PCMTD1: variants seen among roughly 807,000 people sequenced by gnomAD.
PCMTD1 encodes protein-L-isoaspartate O-methyltransferase domain-containing protein 1.
In PCMTD1, 12 loss-of-function variants were observed where a neutral mutation model predicts 37.6. That is an observed-to-expected ratio of 0.32 (90% CI 0.20 to 0.52). The LOEUF (loss-of-function observed/expected upper bound fraction) is 0.52. PCMTD1 is among the 20% of genes least tolerant of loss of function. The pLI, the probability that PCMTD1 is intolerant of heterozygous loss-of-function variation, is 0.97. For synonymous variants in PCMTD1, 117 were observed against 135.8 expected (o/e 0.86, Z 0.96); for missense variants, 235 against 421.3 (o/e 0.56, Z 3.87).
chr8:51,824,265 T>C (rs1443751010), intron 5 of PCMTD1, among the ~76,000 whole-genome samples: 2 of 152,214 alleles, frequency 1.3e-5, no homozygotes, highest in African/African-American at 2.4e-5. Context: ...TTGTCTCTGT[T>C]TGCAGATGAC....
chr8:51,835,875 T>C lies in PCMTD1; in HGVS notation c.411-2186A>G, dbSNP rs563809231. Among the ~76,000 whole-genome samples the C allele has an allele frequency of 3.3e-5, 5 of 152,312 alleles. No homozygotes were observed. The South Asian group carries it at 6.2e-4, about 19-fold the overall frequency. On this transcript the variant is annotated intron_variant, in intron 3 of 5. Coordinates refer to ENST00000522514, the MANE Select transcript of PCMTD1 (RefSeq NM_052937.4). ...ATTAATTAGTAGTATTTTATACATG[T>C]TCATCACAGCAAAATAAATTAGAAA... is the stretch of plus-strand genomic sequence containing the variant.
intron 1 of PCMTD1, among the ~76,000 whole-genome samples, chr8:51,864,361 A>C (rs1177754516): frequency 6.6e-6 from 1 of 152,216 alleles, no homozygotes; most frequent in East Asian, 1.9e-4. Flanking sequence ...TCCAGACAGA[A>C]ACAGTGGACT....
At chr8:51,822,314 T>C (rs2037860246) in intron 5 of PCMTD1, among the ~76,000 whole-genome samples, 1 of 151,816 alleles carries the variant, frequency 6.6e-6, no homozygotes. Context: ...TCAGGTATAA[T>C]ATATTTTGAA....
At chr8:51,832,481 T>C (rs2038011812) in intron 4 of PCMTD1, among the ~76,000 whole-genome samples, 1 of 152,036 alleles carries the variant, frequency 6.6e-6, no homozygotes, top group Non-Finnish European at 1.5e-5. Context: ...CCAAGATGTA[T>C]AAACTCCACA....
chr8:51,880,036 T>A (rs947738171), intron 1 of PCMTD1, among the ~76,000 whole-genome samples: 1 of 150,772 alleles, frequency 6.6e-6, no homozygotes, highest in African/African-American at 2.4e-5. Context: ...AAAAAAAAGT[T>A]TAAAAAAAAA....
chr8:51,830,008 T>C (rs879765164), intron 5 of PCMTD1, among the ~76,000 whole-genome samples: 3 of 152,170 alleles, frequency 2.0e-5, no homozygotes, highest in Admixed American at 2.0e-4. Flanking sequence ...AACCAATTAA[T>C]ACCACCTCTC....
chr8:51,861,857 T>G (rs759615000), intron 1 of PCMTD1, among the ~76,000 whole-genome samples: 1 of 151,954 alleles, frequency 6.6e-6, no homozygotes, highest in Admixed American at 6.6e-5. Flanking sequence ...GGATTACAGG[T>G]GCATGCCACC....
chr8:51,839,476 G>A (rs2038114875), intron 3 of PCMTD1: 1 of 985,282 alleles, frequency 1.0e-6, no homozygotes, highest in African/African-American at 1.7e-5. Context: ...ATAGGTGCAT[G>A]TTGGAATATC....
chr8:51,837,699 T>C (rs1050580632), intron 3 of PCMTD1, among the ~76,000 whole-genome samples: 1 of 152,228 alleles, frequency 6.6e-6, no homozygotes, highest in Non-Finnish European at 1.5e-5. Context: ...TAATATGAAC[T>C]TAGGTTTTTC....
At chr8:51,849,230 A>G (rs2038268790) in intron 2 of PCMTD1, 1 of 152,120 alleles carries the variant, frequency 6.6e-6, no homozygotes. Context: ...TTTTCAATTA[A>G]AAAACAATGG....
intron 1 of PCMTD1, among the ~76,000 whole-genome samples, chr8:51,884,247 G>A (rs12680958): frequency 0.69 from 104,555 of 152,032 alleles, 42,396 homozygotes; most frequent in Non-Finnish European, 0.9. Flanking sequence ...GAGTCAGTGT[G>A]GTAAAAACAA....
chr8:51,860,773 C>T (rs1218403180), intron 2 of PCMTD1, 72 bp downstream of exon 2: 2 of 1,278,284 alleles, frequency 1.6e-6, no homozygotes, highest in South Asian at 1.6e-5. Context: ...AAAGTTACAA[C>T]TCCTATAAAT....
intron 2 of PCMTD1, among the ~76,000 whole-genome samples, chr8:51,853,690 A>C (rs1003321215): frequency 1.3e-5 from 2 of 152,118 alleles, no homozygotes; most frequent in Non-Finnish European, 2.9e-5. Flanking sequence ...TATTTTACAA[A>C]AGAGAAAATA....
chr8:51,839,774 T>C (rs1053141018), intron 3 of PCMTD1: 29 of 301,078 alleles, frequency 9.6e-5, no homozygotes, highest in African/African-American at 6.1e-4. Context: ...AATAGAGAAA[T>C]TTCAAGGACG....
At chr8:51,849,268 A>C (rs2038269558) in intron 2 of PCMTD1, 1 of 152,282 alleles carries the variant, frequency 6.6e-6, no homozygotes, top group African/African-American at 2.4e-5. Context: ...AAAAACATAA[A>C]TGTTCAAATA....
chr8:51,890,213 C>T (rs1056614435), intron 1 of PCMTD1, among the ~76,000 whole-genome samples: 2 of 152,122 alleles, frequency 1.3e-5, no homozygotes, highest in African/African-American at 4.8e-5. Context: ...GTTCAAATTA[C>T]TCTATTTACA....
At chr8:51,885,189 C>T (rs116290479) in intron 1 of PCMTD1, among the ~76,000 whole-genome samples, 6,764 of 152,194 alleles carry the variant, frequency 0.044, 166 homozygotes, top group African/African-American at 0.074. Context: ...CCACAACCTC[C>T]TCAATTTAAC....
chr8:51,840,820 G>T (rs9643466), intron 3 of PCMTD1, among the ~76,000 whole-genome samples: 1 of 151,928 alleles, frequency 6.6e-6, no homozygotes. Flanking sequence ...TTGCCTCCCC[G>T]ACCCATCCCT....
rs1329815558 is a variant in PCMTD1, at chr8:51,826,979, A to G, written c.706+4465T>C. 6.4e-6 allele frequency: 6 copies of G among 932,136 alleles called. No individual in the cohort carries two copies. In the Admixed American group the frequency reaches 3.7e-4, roughly 58 times the overall value. The allele number at this position is 932,136 out of a possible 1,614,324, so 57.7% of individuals were successfully genotyped here. On this transcript the variant is annotated intron_variant, in intron 5 of 5. Transcript: ENST00000522514. The stretch of plus-strand genomic sequence containing the variant: ...GAGCAACTTGATTACTACAAGATAC[A>G]TTTGGCAAATAATTTATATATATAT...
Sources: allele counts gnomAD v4.1 joint callset (sites outside exome capture counted in the v4.1 genomes callset), GRCh38; gene constraint gnomAD v4.1.1; transcripts MANE v1.5; gene names NCBI Gene and HGNC (gene_info 2026-07-23, HGNC 2026-07-21).